The following PAMR1 variants were observed in gnomAD, a reference collection of about 807,000 sequenced individuals.
The protein encoded by PAMR1 is inactive serine protease PAMR1.
PAMR1 carries 88 observed loss-of-function variants against 81.8 expected under a neutral mutation model. The observed-to-expected ratio is 1.08, with a 90% CI of 0.91 to 1.28. The LOEUF (loss-of-function observed/expected upper bound fraction) is 1.28, where lower values mean the gene tolerates loss of function less well. PAMR1 is among the 50% of genes most tolerant of loss of function. The pLI is 0.00. For missense variants in PAMR1, 935 were observed against 919.7 expected (o/e 1.02, Z -0.21); for synonymous variants, 336 against 345.3 (o/e 0.97, Z 0.30).
chr11:35,513,443 T>C (rs1272382645), intron 1 of PAMR1: 1 of 152,194 alleles, frequency 6.6e-6, no homozygotes, highest in Non-Finnish European at 1.5e-5. Flanking sequence ...TTAACCATCA[T>C]GCTGGTCTGG....
At chr11:35,521,088 G>T (rs1012082920) in intron 1 of PAMR1, among the ~76,000 whole-genome samples, 9 of 152,200 alleles carry the variant, frequency 5.9e-5, no homozygotes, top group African/African-American at 2.2e-4. Flanking sequence ...TTTGTTCACA[G>T]GTTATTGACC....
intron 4 of PAMR1, among the ~76,000 whole-genome samples, chr11:35,473,191 C>T (rs536995995): frequency 7.2e-5 from 11 of 152,280 alleles, no homozygotes; most frequent in African/African-American, 2.4e-4. Context: ...TGGGGCTGAA[C>T]ATTGTGCCTA....
At chr11:35,484,516 C>T (rs1850462859) in intron 3 of PAMR1, among the ~76,000 whole-genome samples, 1 of 152,220 alleles carries the variant, frequency 6.6e-6, no homozygotes, top group Non-Finnish European at 1.5e-5. Context: ...TCCCCACTCC[C>T]CTTAAGTTTG....
At chr11:35,525,685 A>C, upstream of PAMR1, 1 of 973,278 alleles carries the variant, frequency 1.0e-6, no homozygotes, top group Non-Finnish European at 1.6e-6. Flanking sequence ...CCCGAGCCCC[A>C]GCTGAGCGGG....
chr11:35,525,635 C>T (rs1297503304), upstream of PAMR1: 5 of 1,548,508 alleles, frequency 3.2e-6, no homozygotes, highest in African/African-American at 2.7e-5. Context: ...AGAGGAGGGA[C>T]CCAGGGAGGC....
At chr11:35,434,230 G>C (rs562884835) in intron 10 of PAMR1, among the ~76,000 whole-genome samples, 1 of 152,022 alleles carries the variant, frequency 6.6e-6, no homozygotes, top group African/African-American at 2.4e-5. Flanking sequence ...ACTAGGAGAA[G>C]TACATTTTAC....
rs529728819 is a variant in PAMR1, at chr11:35,494,869, A to G, written c.74-597T>C. 1.2e-4 allele frequency among the ~76,000 whole-genome samples: 18 copies of G among 152,398 alleles called. No homozygotes were observed. In the South Asian group the frequency reaches 3.7e-3, roughly 32 times the overall value. On this transcript the variant is annotated intron_variant, in intron 1 of 10. Transcript: ENST00000619888. ...TCTTTAAAAAAAGAAATCAAGTTTC[A>G]TCAATATATAATCTAGGTGGATTGA... is the stretch of plus-strand genomic sequence containing the variant.
At chr11:35,456,277 T>C (rs973585075) in intron 6 of PAMR1, among the ~76,000 whole-genome samples, 1 of 152,186 alleles carries the variant, frequency 6.6e-6, no homozygotes, top group Non-Finnish European at 1.5e-5. Flanking sequence ...TGAATTTGAA[T>C]GAGGTGCAGG....
chr11:35,475,108 C>T (rs1212041326), intron 3 of PAMR1, among the ~76,000 whole-genome samples: 1 of 152,174 alleles, frequency 6.6e-6, no homozygotes, highest in Non-Finnish European at 1.5e-5. Flanking sequence ...TATCATCCTT[C>T]CTCTCCAGGC....
chr11:35,508,992 A>G (rs1311650572), intron 1 of PAMR1, among the ~76,000 whole-genome samples: 1 of 152,210 alleles, frequency 6.6e-6, no homozygotes, highest in East Asian at 1.9e-4. Context: ...TATTATGAAT[A>G]GTGCCCTCTA....
Position 35,441,553 on chromosome 11 carries a change from G to A in PAMR1, c.961C>T (p.Leu321Phe), listed in dbSNP as rs771883617. The change falls in exon 7 of 11, where the codon CTT becomes TTT. Residue 321 changes from leucine to phenylalanine, a missense_variant. Coordinates refer to ENST00000619888, the MANE Select transcript of PAMR1 (RefSeq NM_001001991.3). ...CAAGTTCTTTTCTCATTGCCACTAA[G>A]AACATAGGAGTTGTTACAAAAGAAA... Reference protein sequence around the residue: ...VSFFCNNSYVLSGNEKRTCQQ... With the variant: ...VSFFCNNSYVFSGNEKRTCQQ... The A allele has an allele frequency of 3.1e-6, 5 of 1,613,788 alleles. No individual in the cohort carries two copies. Among genetic ancestry groups the A allele is most frequent in the Non-Finnish European group, 4.2e-6 (5 of 1,179,916 alleles).
chr11:35,452,832 T>A (rs536173966), intron 6 of PAMR1, among the ~76,000 whole-genome samples: 27 of 152,294 alleles, frequency 1.8e-4, no homozygotes, highest in African/African-American at 6.3e-4. Context: ...CTCTTTAATA[T>A]CTTGTCTAAT....
At chr11:35,514,341 C>T (rs1197006998) in intron 1 of PAMR1, among the ~76,000 whole-genome samples, 1 of 152,224 alleles carries the variant, frequency 6.6e-6, no homozygotes, top group East Asian at 1.9e-4. Context: ...GGGGCCCACA[C>T]ATACATGGCC....
At chr11:35,461,757 A>G (rs1428855435) in intron 6 of PAMR1, among the ~76,000 whole-genome samples, 1 of 152,164 alleles carries the variant, frequency 6.6e-6, no homozygotes, top group Non-Finnish European at 1.5e-5. Context: ...CAAGGAGGAC[A>G]TTACAGATTC....
chr11:35,474,866 G>C, intron 3 of PAMR1, 122 bp from the exon 4 acceptor site: 3 of 632,808 alleles, frequency 4.7e-6, no homozygotes, highest in Non-Finnish European at 8.3e-6. Context: ...ATAGGGAAAA[G>C]GAAGAAGGAA....
At chr11:35,436,531 C>T (rs1338922350) in intron 8 of PAMR1, among the ~76,000 whole-genome samples, 1 of 152,158 alleles carries the variant, frequency 6.6e-6, no homozygotes, top group Non-Finnish European at 1.5e-5. Flanking sequence ...GCAATCCACT[C>T]ACCTTGGCCT....
At chr11:35,526,486 C>G (rs566221875), upstream of PAMR1, among the ~76,000 whole-genome samples, 3 of 150,000 alleles carry the variant, frequency 2.0e-5, no homozygotes, top group South Asian at 6.4e-4. Flanking sequence ...TAATAGGTGA[C>G]TTTTTAAAAT....
Position 35,432,611 on chromosome 11 carries a change from G to A in PAMR1, c.1908C>T (p.Asp636=), listed in dbSNP as rs1227430001. The change falls in exon 11 of 11, where the codon GAC becomes GAT. Residue 636 remains aspartate (D), a synonymous_variant. Coordinates refer to ENST00000619888, the MANE Select transcript of PAMR1 (RefSeq NM_001001991.3). ...CAGTGACACTCACTGGGATGCCATG[G>A]TCCTCATGCTGCTCCTCACACAGCA... is the stretch of plus-strand genomic sequence containing the variant. ...DSLLCEEQHE[D]HGIPVSVTDN... is the part of the protein sequence containing the mutation. 4 of 1,613,988 alleles carry A rather than the reference G, an allele frequency of 2.5e-6. No homozygotes were observed. The South Asian group carries it at 3.3e-5, about 13-fold the overall frequency.
chr11:35,433,726 A>AGATGGATG (rs71044517), intron 10 of PAMR1, among the ~76,000 whole-genome samples: 16,840 of 148,668 alleles, frequency 0.11, 1,043 homozygotes, highest in African/African-American at 0.16. Context: ...ATAGATGGAG[A>AGATGGATG]GATGGATGGA....
Sources: allele counts gnomAD v4.1 joint callset (sites outside exome capture counted in the v4.1 genomes callset), GRCh38; gene constraint gnomAD v4.1.1; transcripts MANE v1.5; gene names NCBI Gene and HGNC (gene_info 2026-07-23, HGNC 2026-07-21).